CSMD1: variants seen among roughly 807,000 people sequenced by gnomAD.
The protein encoded by CSMD1 is CUB and Sushi multiple domains 1, also known as CUB and sushi domain-containing protein 1.
In CSMD1, 213 loss-of-function variants were observed where a neutral mutation model predicts 417.5. That is an observed-to-expected ratio of 0.51 (90% CI 0.46 to 0.57). CSMD1 has a LOEUF of 0.57. CSMD1 is among the 20% of genes least tolerant of loss of function. The pLI, the probability that CSMD1 is intolerant of heterozygous loss-of-function variation, is 0.00. For synonymous variants in CSMD1, 2,862 were observed against 1,736.8 expected (o/e 1.65, Z -16.11); for missense variants, 6,923 against 4,529.7 (o/e 1.53, Z -15.17).
intron 3 of CSMD1, among the ~76,000 whole-genome samples, chr8:4,298,499 C>T (rs2128871722): frequency 6.6e-6 from 1 of 152,068 alleles, no homozygotes; most frequent in African/African-American, 2.4e-5. Flanking sequence ...GTAATGGATA[C>T]CTTAAAAGCC....
chr8:3,173,347 T>C (rs1820700879), intron 37 of CSMD1, among the ~76,000 whole-genome samples: 1 of 152,160 alleles, frequency 6.6e-6, no homozygotes, highest in Non-Finnish European at 1.5e-5. Context: ...AAGCCAGAAT[T>C]TACATTGTTT....
At chr8:3,536,915 G>C (rs530894003) in intron 10 of CSMD1, among the ~76,000 whole-genome samples, 2 of 152,320 alleles carry the variant, frequency 1.3e-5, no homozygotes, top group East Asian at 3.9e-4. Flanking sequence ...TTTATTGTAC[G>C]ATTGCCCTAG....
chr8:4,732,838 G>T (rs1809990793), intron 1 of CSMD1, among the ~76,000 whole-genome samples: 1 of 152,158 alleles, frequency 6.6e-6, no homozygotes, highest in South Asian at 2.1e-4. Flanking sequence ...CTTCTTTGCA[G>T]GCTAGTTGAC....
chr8:4,653,006 T>C (rs1804006553), intron 1 of CSMD1, among the ~76,000 whole-genome samples: 2 of 152,036 alleles, frequency 1.3e-5, no homozygotes, highest in South Asian at 4.1e-4. Flanking sequence ...CCCTACTGTG[T>C]GGTCCGGTTC....
chr8:4,673,085 A>G (rs1585428857), intron 1 of CSMD1, among the ~76,000 whole-genome samples: 1 of 152,108 alleles, frequency 6.6e-6, no homozygotes, highest in African/African-American at 2.4e-5. Context: ...ACAAGGTGAA[A>G]CAACACACAA....
chr8:3,061,500 A>G (rs561979175), intron 49 of CSMD1, among the ~76,000 whole-genome samples: 1 of 152,132 alleles, frequency 6.6e-6, no homozygotes, highest in Non-Finnish European at 1.5e-5. Flanking sequence ...CTGTCAATGG[A>G]ATTTAGGATG....
intron 15 of CSMD1, among the ~76,000 whole-genome samples, chr8:3,401,461 T>G (rs1812034229): frequency 6.6e-6 from 1 of 152,160 alleles, no homozygotes; most frequent in Non-Finnish European, 1.5e-5. Context: ...AAATAGACAC[T>G]TTAATAATAA....
At chr8:4,235,022 G>C (rs988211150) in intron 3 of CSMD1, among the ~76,000 whole-genome samples, 1 of 152,134 alleles carries the variant, frequency 6.6e-6, no homozygotes, top group Non-Finnish European at 1.5e-5. Flanking sequence ...GTATTGGTGG[G>C]AGTTAAGTCT....
intron 1 of CSMD1, among the ~76,000 whole-genome samples, chr8:4,698,291 G>A (rs77440985): frequency 0.01 from 1,552 of 152,174 alleles, 28 homozygotes; most frequent in African/African-American, 0.033. Flanking sequence ...ATAAAGGCTC[G>A]TTTCAAATGA....
At chr8:3,251,976 C>G (rs140617355) in intron 26 of CSMD1, among the ~76,000 whole-genome samples, 15,969 of 152,102 alleles carry the variant, frequency 0.1, 980 homozygotes, top group Non-Finnish European at 0.13. Context: ...TGAGACAATG[C>G]GGTTTTCTAG....
chr8:4,913,443 C>T (rs913167173), intron 1 of CSMD1, among the ~76,000 whole-genome samples: 1 of 152,158 alleles, frequency 6.6e-6, no homozygotes, highest in South Asian at 2.1e-4. Context: ...TATTTCTTCA[C>T]TGAATGCTAT....
At chr8:4,492,224 G>C (rs1398955809) in intron 2 of CSMD1, among the ~76,000 whole-genome samples, 1 of 152,126 alleles carries the variant, frequency 6.6e-6, no homozygotes, top group Non-Finnish European at 1.5e-5. Context: ...TGAGCAGCTG[G>C]TACTACAGGC....
Position 4,690,964 on chromosome 8 carries a change from T to C in CSMD1, c.86-53406A>G, listed in dbSNP as rs140228522. Among the ~76,000 whole-genome samples, 380 of 152,298 alleles carry C rather than the reference T, an allele frequency of 2.5e-3. 4 individuals are homozygous for C. Among genetic ancestry groups the C allele is most frequent in the African/African-American group, 8.8e-3 (367 of 41,566 alleles). On this transcript the variant is annotated intron_variant, in intron 1 of 69. Coordinates refer to ENST00000635120, the MANE Select transcript of CSMD1 (RefSeq NM_033225.6). ...GGCTGGTCTTGCTCTCTTGAGCTCA[T>C]GATCTGCCTGCCGTGGCCTCCCAAA...
chr8:3,540,334 A>T (rs774508998), intron 10 of CSMD1, among the ~76,000 whole-genome samples: 26 of 152,234 alleles, frequency 1.7e-4, no homozygotes, highest in Admixed American at 7.2e-4. Flanking sequence ...GAAATCTTGC[A>T]TCACAACAGT....
At chr8:3,371,033 T>A (rs1251736631) in intron 18 of CSMD1, among the ~76,000 whole-genome samples, 2 of 151,908 alleles carry the variant, frequency 1.3e-5, no homozygotes, top group Non-Finnish European at 2.9e-5. Context: ...GGGACATCCA[T>A]CTTCTCTTGA....
chr8:3,799,640 T>C (rs930652778), intron 5 of CSMD1, among the ~76,000 whole-genome samples: 14 of 152,102 alleles, frequency 9.2e-5, no homozygotes, highest in South Asian at 6.2e-4. Context: ...ACTTGTAGCA[T>C]TGCAGAAAAC....
intron 2 of CSMD1, among the ~76,000 whole-genome samples, chr8:4,610,466 G>A (rs775495180): frequency 3.9e-5 from 6 of 152,120 alleles, no homozygotes; most frequent in Non-Finnish European, 7.4e-5. Context: ...TTCAGGGACA[G>A]GCTCCAGAAC....
At chr8:3,019,042 C>T (rs988751910) in intron 51 of CSMD1, among the ~76,000 whole-genome samples, 2 of 152,234 alleles carry the variant, frequency 1.3e-5, no homozygotes, top group Middle Eastern at 3.4e-3. Flanking sequence ...CTCAGCCTCC[C>T]GAGTAGCTGC....
chr8:4,417,297 A>T (rs1796997597), intron 3 of CSMD1, among the ~76,000 whole-genome samples: 1 of 152,058 alleles, frequency 6.6e-6, no homozygotes, highest in Admixed American at 6.6e-5. Context: ...GTAGCTTAAT[A>T]GTTCCATGTG....
Sources: gnomAD v4.1 joint callset for allele counts (sites outside exome capture counted in the v4.1 genomes callset) on GRCh38, gnomAD v4.1.1 for gene constraint, MANE v1.5 for transcripts, NCBI Gene and HGNC (gene_info 2026-07-23, HGNC 2026-07-21) for gene names.